The following CLIC4 variants were observed in gnomAD, a reference collection of about 807,000 sequenced individuals.
The protein encoded by CLIC4 is chloride intracellular channel protein 4.
Under a neutral mutation model 24.6 loss-of-function variants are expected in CLIC4, and 13 were observed. That is an observed-to-expected ratio of 0.53 (90% CI 0.34 to 0.84). CLIC4 has a LOEUF of 0.84. CLIC4 is among the 40% of genes least tolerant of loss of function. The probability of loss-of-function intolerance (pLI) is 0.01; values close to 1 mark genes in which losing one functional copy is unlikely to be tolerated. For synonymous variants in CLIC4, 104 were observed against 111.3 expected, an observed-to-expected ratio of 0.93 and a Z score of 0.41; for missense variants, 227 against 301.7, an observed-to-expected ratio of 0.75 and a Z score of 1.83.
At chr1:24,789,786 AT>A (rs1428730119) in intron 1 of CLIC4, among the ~76,000 whole-genome samples, 1 of 148,902 alleles carries the variant, frequency 6.7e-6, no homozygotes. Context: ...TACATCTTCT[AT>A]TTTTTTTGCT....
chr1:24,819,146 C>CT (rs1202445324), intron 3 of CLIC4, among the ~76,000 whole-genome samples: 3 of 152,006 alleles, frequency 2.0e-5, no homozygotes, highest in Admixed American at 1.3e-4. Context: ...TTTCTTAATT[C>CT]TTTTTTTCTA....
chr1:24,758,562 T>G (rs925832103), intron 1 of CLIC4, among the ~76,000 whole-genome samples: 1 of 152,056 alleles, frequency 6.6e-6, no homozygotes. Context: ...GTTCAAGTGA[T>G]TCTCTTGCCT....
chr1:24,791,760 G>A (rs561531358), intron 1 of CLIC4, among the ~76,000 whole-genome samples: 8 of 152,074 alleles, frequency 5.3e-5, no homozygotes, highest in Non-Finnish European at 2.9e-5. Context: ...CCTGTAATCC[G>A]AGTTACTCGG....
chr1:24,768,930 A>T (rs1294564761), intron 1 of CLIC4, among the ~76,000 whole-genome samples: 3 of 151,112 alleles, frequency 2.0e-5, no homozygotes, highest in Admixed American at 6.6e-5. Context: ...AGAAAAAGAA[A>T]GAAAACTTTA....
intron 3 of CLIC4, among the ~76,000 whole-genome samples, chr1:24,821,646 C>T (rs971666899): frequency 1.3e-5 from 2 of 152,160 alleles, no homozygotes; most frequent in Non-Finnish European, 2.9e-5. Context: ...CTCAACCTCC[C>T]AGGCTCATAA....
At chr1:24,752,354 G>C (rs1187648280) in intron 1 of CLIC4, among the ~76,000 whole-genome samples, 1 of 152,136 alleles carries the variant, frequency 6.6e-6, no homozygotes, top group Non-Finnish European at 1.5e-5. Context: ...CTCAGTCCAG[G>C]AGAATGTCTT....
chr1:24,794,324 C>T (rs979621087), intron 1 of CLIC4, among the ~76,000 whole-genome samples: 10 of 149,308 alleles, frequency 6.7e-5, no homozygotes, highest in African/African-American at 1.5e-4. Context: ...ATAGTGTTCC[C>T]TTTTCTCTAC....
intron 1 of CLIC4, among the ~76,000 whole-genome samples, chr1:24,752,755 G>A (rs574045929): frequency 1.3e-5 from 2 of 152,118 alleles, no homozygotes; most frequent in African/African-American, 2.4e-5. Flanking sequence ...ACGGAGTCTC[G>A]CTCTGTCGCC....
At chr1:24,762,173 T>C (rs1195758393) in intron 1 of CLIC4, among the ~76,000 whole-genome samples, 3 of 152,182 alleles carry the variant, frequency 2.0e-5, no homozygotes, top group Non-Finnish European at 4.4e-5. Context: ...ATCCCAGCAC[T>C]ATGGAAGGCT....
intron 2 of CLIC4, among the ~76,000 whole-genome samples, chr1:24,798,535 A>G (rs1639430996): frequency 6.6e-6 from 1 of 152,170 alleles, no homozygotes; most frequent in South Asian, 2.1e-4. Context: ...AGGAATGTCT[A>G]TTCACCTTTA....
intron 3 of CLIC4, among the ~76,000 whole-genome samples, chr1:24,825,706 A>G (rs1639780862): frequency 6.6e-6 from 1 of 152,214 alleles, no homozygotes; most frequent in Non-Finnish European, 1.5e-5. Context: ...TACTCTGCCC[A>G]ATATTTAGAA....
At chr1:24,754,894 A>G (rs1638824938) in intron 1 of CLIC4, among the ~76,000 whole-genome samples, 1 of 151,844 alleles carries the variant, frequency 6.6e-6, no homozygotes, top group Non-Finnish European at 1.5e-5. Flanking sequence ...CAACATGGTG[A>G]ATCCCTGTCT....
At chr1:24,803,421 T>G (rs1557807303) in intron 2 of CLIC4, among the ~76,000 whole-genome samples, 1 of 152,226 alleles carries the variant, frequency 6.6e-6, no homozygotes, top group Non-Finnish European at 1.5e-5. Context: ...AACAAGCCCA[T>G]TTCTAGTTCT....
chr1:24,775,528 C>G (rs1029024741), intron 1 of CLIC4, among the ~76,000 whole-genome samples: 1 of 150,764 alleles, frequency 6.6e-6, no homozygotes, highest in Non-Finnish European at 1.5e-5. Flanking sequence ...TTTCTTCTCT[C>G]TCTCTTTTCT....
In CLIC4 at chr1:24,803,106, AAAAC is replaced by A. The variant is rs375332714; in HGVS notation, c.182+5262_182+5265del. 6.5e-4 allele frequency among the ~76,000 whole-genome samples: 99 copies of A among 152,370 alleles called. 1 individual carries two copies. In the East Asian group the frequency reaches 0.012, roughly 19 times the overall value. Reference sequence around the variant, plus strand: ...AAAGTGAGCATTGGTTCAAAAAACAAAAACAAACAACCCACCAGTATATATGAAA... The same window carrying A: ...AAAGTGAGCATTGGTTCAAAAAACAAAAACAACCCACCAGTATATATGAAA... On this transcript the variant is annotated intron_variant, in intron 2 of 5. Transcript: ENST00000374379.
intron 2 of CLIC4, among the ~76,000 whole-genome samples, chr1:24,805,308 G>T (rs779541689): frequency 6.6e-6 from 1 of 151,984 alleles, no homozygotes; most frequent in Non-Finnish European, 1.5e-5. Context: ...AAGGGGTCTT[G>T]GTGTGTGTGT....
chr1:24,809,703 C>G (rs373227508), intron 2 of CLIC4, among the ~76,000 whole-genome samples: 13 of 152,098 alleles, frequency 8.5e-5, no homozygotes, highest in African/African-American at 2.9e-4. Context: ...TCAGGTGATC[C>G]ACCCGCTTCG....
At chr1:24,755,526 T>C (rs1427191988) in intron 1 of CLIC4, among the ~76,000 whole-genome samples, 1 of 151,756 alleles carries the variant, frequency 6.6e-6, no homozygotes, top group African/African-American at 2.4e-5. Flanking sequence ...GGAGGATCAC[T>C]TGAGCCTAGA....
rs1016723381 is a variant in CLIC4, at chr1:24,768,164, T to C, written c.72+22539T>C. ...CCAAAATTTTCATTTTTTTAAGATA[T>C]GGGGATCTTGCCATGTTGCCCAGGC... On this transcript the variant is annotated intron_variant, in intron 1 of 5. Transcript: ENST00000374379. 3.3e-5 allele frequency among the ~76,000 whole-genome samples: 5 copies of C among 152,028 alleles called. No homozygotes were observed. In the South Asian group the frequency reaches 8.3e-4, roughly 25 times the overall value.
Sources: allele counts gnomAD v4.1 joint callset (sites outside exome capture counted in the v4.1 genomes callset), GRCh38; gene constraint gnomAD v4.1.1; transcripts MANE v1.5; gene names NCBI Gene and HGNC (gene_info 2026-07-23, HGNC 2026-07-21).